GRID1: variants seen among roughly 807,000 people sequenced by gnomAD.
GRID1 encodes glutamate receptor ionotropic, delta-1.
A neutral mutation model predicts 98.0 loss-of-function variants in GRID1; 28 were observed. The observed-to-expected ratio is 0.29, with a 90% CI of 0.21 to 0.39. The LOEUF (loss-of-function observed/expected upper bound fraction) is 0.39, where lower values mean the gene tolerates loss of function less well. GRID1 is among the 10% of genes least tolerant of loss of function. The pLI, the probability that GRID1 is intolerant of heterozygous loss-of-function variation, is 1.00. For synonymous variants in GRID1, 553 were observed against 538.5 expected, an observed-to-expected ratio of 1.03 and a Z score of -0.37; for missense variants, 1,111 against 1,340.5, an observed-to-expected ratio of 0.83 and a Z score of 2.67.
At chr10:85,630,787 G>T (rs979708506) in intron 13 of GRID1, among the ~76,000 whole-genome samples, 5 of 152,150 alleles carry the variant, frequency 3.3e-5, no homozygotes, top group Non-Finnish European at 7.3e-5. Flanking sequence ...CTCTTGGAAC[G>T]AGGTCCAAAA....
chr10:86,212,198 C>G (rs1314147899), intron 2 of GRID1, among the ~76,000 whole-genome samples: 1 of 152,216 alleles, frequency 6.6e-6, no homozygotes, highest in Non-Finnish European at 1.5e-5. Flanking sequence ...GTGCCACCCC[C>G]CAGTCACGAC....
chr10:86,069,181 C>A (rs1843761739), intron 4 of GRID1, among the ~76,000 whole-genome samples: 1 of 152,112 alleles, frequency 6.6e-6, no homozygotes, highest in Non-Finnish European at 1.5e-5. Flanking sequence ...GGGGGCTCTG[C>A]TCACCTGGGC....
chr10:85,770,197 G>T (rs930431513), intron 8 of GRID1, among the ~76,000 whole-genome samples: 7 of 152,208 alleles, frequency 4.6e-5, no homozygotes, highest in Admixed American at 4.6e-4. Context: ...AGCCACCGCT[G>T]CTGGTACCCA....
intron 5 of GRID1, among the ~76,000 whole-genome samples, chr10:85,872,958 C>T (rs1843292915): frequency 6.6e-6 from 1 of 152,198 alleles, no homozygotes; most frequent in African/African-American, 2.4e-5. Context: ...GAAGCAGCTT[C>T]CCCACTTCCT....
chr10:85,854,178 T>C (rs1463275567), intron 8 of GRID1, among the ~76,000 whole-genome samples: 1 of 152,146 alleles, frequency 6.6e-6, no homozygotes, highest in Non-Finnish European at 1.5e-5. Flanking sequence ...CTGATTTCAC[T>C]GCTCTGAGAA....
intron 8 of GRID1, among the ~76,000 whole-genome samples, chr10:85,762,573 C>G (rs1842157322): frequency 6.6e-6 from 1 of 152,180 alleles, no homozygotes; most frequent in Non-Finnish European, 1.5e-5. Context: ...GTGCCTCAAT[C>G]AGCTTTCTCC....
intron 3 of GRID1, among the ~76,000 whole-genome samples, chr10:86,177,863 T>A (rs1845599469): frequency 1.3e-5 from 2 of 152,024 alleles, no homozygotes; most frequent in African/African-American, 4.8e-5. Context: ...TGTATGTGTG[T>A]GTGTGTGCAT....
intron 2 of GRID1, among the ~76,000 whole-genome samples, chr10:86,220,093 G>T (rs547550264): frequency 5.3e-5 from 8 of 152,352 alleles, no homozygotes; most frequent in African/African-American, 1.9e-4. Flanking sequence ...GCACAAAATA[G>T]ATCTTGAATA....
chr10:86,086,114 C>T (rs1452834261), intron 4 of GRID1, among the ~76,000 whole-genome samples: 1 of 152,096 alleles, frequency 6.6e-6, no homozygotes, highest in Admixed American at 6.5e-5. Context: ...AAATCACCAC[C>T]CCCAAGAAGC....
In GRID1 at chr10:86,366,394, T is replaced by C; in HGVS notation, c.-2A>G. 6.7e-7 allele frequency: 1 copy of C among 1,496,508 alleles called. No homozygotes were observed. The highest frequency in any genetic ancestry group is 8.9e-7 in the Non-Finnish European group (1 of 1,119,498). The allele number at this position is 1,496,508 out of a possible 1,614,324, so 92.7% of individuals were successfully genotyped here. The stretch of plus-strand genomic sequence containing the variant: ...AAGCCACAGCGTCAGCGCTTCCATG[T>C]CCCCCGGGCGCGCGGCTCATCCACC... On this transcript the variant is annotated 5_prime_UTR_variant, in exon 1 of 16. Transcript: ENST00000327946. This position sits in a 1 kb window ranked among gnomAD's most constrained non-coding sequence, Gnocchi z 4.1.
At chr10:86,115,099 T>A (rs1844554141) in intron 4 of GRID1, among the ~76,000 whole-genome samples, 1 of 152,070 alleles carries the variant, frequency 6.6e-6, no homozygotes, top group Non-Finnish European at 1.5e-5. Flanking sequence ...AAAGGTAACA[T>A]ACCTGGAGAG....
At chr10:86,068,069 C>T (rs1315715894) in intron 4 of GRID1, among the ~76,000 whole-genome samples, 1 of 152,220 alleles carries the variant, frequency 6.6e-6, no homozygotes, top group Admixed American at 6.5e-5. Flanking sequence ...GTGTTAGACA[C>T]TTTCCATTCA....
At chr10:85,944,563 A>G (rs938902049) in intron 4 of GRID1, among the ~76,000 whole-genome samples, 1 of 152,222 alleles carries the variant, frequency 6.6e-6, no homozygotes, top group African/African-American at 2.4e-5. Context: ...ATCTTACAGC[A>G]GTAAAAAATG....
At chr10:85,887,084 T>C (rs572491720) in intron 5 of GRID1, among the ~76,000 whole-genome samples, 12 of 152,126 alleles carry the variant, frequency 7.9e-5, no homozygotes, top group Non-Finnish European at 1.6e-4. Context: ...AAGGCCAGCT[T>C]AAGAAAAGTT....
chr10:85,661,121 A>G (rs529437234), intron 12 of GRID1, among the ~76,000 whole-genome samples: 259 of 152,098 alleles, frequency 1.7e-3, no homozygotes, highest in Admixed American at 4.8e-3. Context: ...TGGCCAGTCA[A>G]GAAGTGGCTG....
intron 2 of GRID1, among the ~76,000 whole-genome samples, chr10:86,210,776 G>A (rs1846097287): frequency 6.6e-6 from 1 of 152,236 alleles, no homozygotes; most frequent in South Asian, 2.1e-4. Flanking sequence ...GCTAATTGGG[G>A]CACTGTTGAA....
At chr10:86,014,663 G>A (rs574283132) in intron 4 of GRID1, among the ~76,000 whole-genome samples, 1 of 152,326 alleles carries the variant, frequency 6.6e-6, no homozygotes, top group South Asian at 2.1e-4. Context: ...ATGCCATCCA[G>A]AAGCGCACTG....
In GRID1 at chr10:86,019,026, T is replaced by C. The variant is rs149478334; in HGVS notation, c.727-102787A>G. Among the ~76,000 whole-genome samples the C allele has an allele frequency of 7.9e-5, 12 of 152,356 alleles. No individual in the cohort carries two copies. The East Asian group carries it at 1.9e-3, about 24-fold the overall frequency. ...AGTCAGGACACCTAACACTGGATTC[T>C]GGACTGTGCTTACAACCCAGGACCC... is the stretch of plus-strand genomic sequence containing the variant. On this transcript the variant is annotated intron_variant, in intron 4 of 15. Transcript: ENST00000327946.
rs190527753 is a variant in GRID1, at chr10:85,975,278, C to T, written c.727-59039G>A. ...TTTTGACAAAAACACTGAGATTTCT[C>T]GGGACTTTTTGAAATCCTCCTTGCT... On this transcript the variant is annotated intron_variant, in intron 4 of 15. Coordinates refer to ENST00000327946, the MANE Select transcript of GRID1 (RefSeq NM_017551.3). 3.1e-3 allele frequency among the ~76,000 whole-genome samples: 474 copies of T among 152,320 alleles called. 1 individual carries two copies. Among genetic ancestry groups the T allele is most frequent in the African/African-American group, 0.011 (447 of 41,562 alleles).
Sources: gnomAD v4.1 joint callset for allele counts (sites outside exome capture counted in the v4.1 genomes callset) on GRCh38, gnomAD v4.1.1 for gene constraint, Gnocchi (gnomAD v3.1) non-coding constraint, MANE v1.5 for transcripts, NCBI Gene and HGNC (gene_info 2026-07-23, HGNC 2026-07-21) for gene names.